SLC35D1: variants seen among roughly 807,000 people sequenced by gnomAD.
SLC35D1 encodes the protein solute carrier family 35 member D1.
Under a neutral mutation model 46.7 loss-of-function variants are expected in SLC35D1, and 31 were observed. That is an observed-to-expected ratio of 0.66 (90% confidence interval 0.50 to 0.90). The LOEUF is 0.90. Ranked by LOEUF, SLC35D1 falls within the 40% of genes least tolerant of loss-of-function variation. SLC35D1 has a pLI of 0.00. For missense variants in SLC35D1, 397 were observed against 426.2 expected, an observed-to-expected ratio of 0.93 and a Z score of 0.60; for synonymous variants, 195 against 164.6, an observed-to-expected ratio of 1.18 and a Z score of -1.41.
At position 67,048,679 on chromosome 1, in the gene SLC35D1, G is replaced by C. The variant is rs1308550940; in HGVS notation, c.533+1103C>G. On this transcript the variant is annotated intron_variant, in intron 6 of 11. Coordinates refer to ENST00000235345, the MANE Select transcript of SLC35D1 (RefSeq NM_015139.3). ...CTGGATGGAAAACATATGTCTGGCAGAATGTGTGGCATTAGTAAATACATA... is the reference window on the plus strand; with the variant it reads ...CTGGATGGAAAACATATGTCTGGCACAATGTGTGGCATTAGTAAATACATA... Among the ~76,000 whole-genome samples the C allele has an allele frequency of 3.9e-5, 6 of 152,334 alleles. No individual in the cohort carries two copies. In the South Asian group the frequency reaches 1.0e-3, roughly 26 times the overall value.
rs756283072 is a variant in SLC35D1 at position 67,049,774 on chromosome 1, C to T, written c.533+8G>A. Reference sequence around the variant, plus strand: ...TTATAATGTGCTAGTCATAGGCCCACATCTTACCTGGCAGCTACAAAGGCT... The same window carrying T: ...TTATAATGTGCTAGTCATAGGCCCATATCTTACCTGGCAGCTACAAAGGCT... On this transcript the variant is annotated splice_region_variant and intron_variant, in intron 6 of 11. Transcript: ENST00000235345. The T allele has an allele frequency of 2.3e-5, 37 of 1,611,788 alleles. No homozygotes were observed. The highest frequency in any genetic ancestry group is 3.1e-5 in the Non-Finnish European group (37 of 1,178,214).
intron 7 of SLC35D1, among the ~76,000 whole-genome samples, chr1:67,046,415 C>T (rs1645251540): frequency 6.6e-6 from 1 of 151,908 alleles, no homozygotes; most frequent in Non-Finnish European, 1.5e-5. Context: ...AGTCATCTGA[C>T]TAAAGAGAAA....
the SLC35D1 span, among the ~76,000 whole-genome samples, chr1:66,977,256 C>T: frequency 1.3e-5 from 2 of 151,814 alleles, no homozygotes; most frequent in Admixed American, 6.6e-5. Flanking sequence ...ATTACAGGTG[C>T]CTGCCATGAC....
chr1:67,032,290 T>C (rs1188865069), intron 8 of SLC35D1, among the ~76,000 whole-genome samples: 1 of 152,206 alleles, frequency 6.6e-6, no homozygotes, highest in Non-Finnish European at 1.5e-5. Context: ...GCTTTTATTT[T>C]TTTTAAATTT....
the SLC35D1 span, among the ~76,000 whole-genome samples, chr1:66,989,013 A>G: frequency 6.6e-6 from 1 of 152,200 alleles, no homozygotes; most frequent in Non-Finnish European, 1.5e-5. Context: ...GTCTAGCTAA[A>G]TATTTTTCTT....
the SLC35D1 span, among the ~76,000 whole-genome samples, chr1:66,974,918 T>G: frequency 6.6e-6 from 1 of 152,226 alleles, no homozygotes; most frequent in Non-Finnish European, 1.5e-5. Context: ...TGACTTTATC[T>G]TTTTGCTTTC....
At position 67,009,637 on chromosome 1, in the gene SLC35D1, T is replaced by C. The variant is rs145844079; in HGVS notation, c.877-470A>G. 6.4e-3 allele frequency among the ~76,000 whole-genome samples: 968 copies of C among 152,216 alleles called. 9 individuals are homozygous for C. The highest frequency in any genetic ancestry group is 0.022 in the African/African-American group (902 of 41,522). ...AAATCAAAACCACAATGTGATACCA[T>C]CTCATACCAGTCAGAATGTCTATTA... On this transcript the variant is annotated intron_variant, in intron 10 of 11. Coordinates refer to ENST00000235345, the MANE Select transcript of SLC35D1 (RefSeq NM_015139.3).
chr1:67,027,551 G>A (rs1017375045), intron 8 of SLC35D1, among the ~76,000 whole-genome samples: 1 of 152,128 alleles, frequency 6.6e-6, no homozygotes, highest in African/African-American at 2.4e-5. Flanking sequence ...TGGAATTACA[G>A]GCATGAGCCA....
At chr1:66,988,683 GA>G in the SLC35D1 span, 1 of 152,308 alleles carries the variant, frequency 6.6e-6, no homozygotes, top group Admixed American at 6.5e-5. Context: ...GAATATTGAA[GA>G]ATTGCCATGT....
chr1:67,002,011 T>C lies in SLC35D1; in HGVS notation c.*2329A>G, dbSNP rs2102220741. ...AGGGAACCTGACCCCCAAGAGGCAG[T>C]TCAACTCCTGGTGGGGCTCTAGCCC... On this transcript the variant is annotated 3_prime_UTR_variant, in exon 12 of 12. Coordinates refer to ENST00000235345, the MANE Select transcript of SLC35D1 (RefSeq NM_015139.3). 6.6e-6 allele frequency: 1 copy of C among 152,090 alleles called. No homozygotes were observed. The highest frequency in any genetic ancestry group is 1.9e-4 in the East Asian group (1 of 5,314). The allele number at this position is 152,090 out of a possible 1,614,324, so 9.4% of individuals were successfully genotyped here.
At position 67,047,269 on chromosome 1, in the gene SLC35D1, G is replaced by A; in HGVS notation, c.632C>T (p.Ser211Leu). ...NGAYVKQKLD[S>L]KELGKYGLLY... The stretch of plus-strand genomic sequence containing the variant: ...AAGCTTTAGATTGCTACTTACTTTT[G>A]AATCTAATTTTTGTTTTACGTATGC... The change falls in exon 7 of 12, where the codon TCA (serine) becomes TTA (leucine). Residue 211 changes from serine (S) to leucine (L), a missense_variant. By Grantham distance (145) the Ser-to-Leu change is moderately radical. Coordinates refer to ENST00000235345, the MANE Select transcript of SLC35D1 (RefSeq NM_015139.3). The A allele has an allele frequency of 6.2e-7, 1 of 1,610,098 alleles. No individual in the cohort carries two copies.
At chr1:66,973,646 A>G in the SLC35D1 span, among the ~76,000 whole-genome samples, 1 of 152,086 alleles carries the variant, frequency 6.6e-6, no homozygotes, top group Non-Finnish European at 1.5e-5. Flanking sequence ...GAAATTAGGT[A>G]TGATTTTTAA....
At chr1:67,010,504 C>T (rs1667541671) in intron 10 of SLC35D1, among the ~76,000 whole-genome samples, 1 of 152,150 alleles carries the variant, frequency 6.6e-6, no homozygotes, top group East Asian at 1.9e-4. Context: ...GTGCAAACAT[C>T]TTCTGGCTCC....
the SLC35D1 span, among the ~76,000 whole-genome samples, chr1:66,975,278 G>A: frequency 6.6e-6 from 1 of 152,168 alleles, no homozygotes; most frequent in Non-Finnish European, 1.5e-5. Context: ...TGTTATCTCA[G>A]TACTTTGGGA....
rs755977211 is a variant in SLC35D1 at position 67,054,049 on chromosome 1, T to C, written c.-36A>G. 1 of 1,601,394 alleles carries C rather than the reference T, an allele frequency of 6.2e-7. No individual in the cohort carries two copies. The highest frequency in any genetic ancestry group is 8.5e-7 in the Non-Finnish European group (1 of 1,173,090). Reference sequence around the variant, plus strand: ...GCAGCGGTGGCCTGGCGGCGGGGCCTAGCGGCTCGGGGGCCTGCAGCGGCA... The same window carrying C: ...GCAGCGGTGGCCTGGCGGCGGGGCCCAGCGGCTCGGGGGCCTGCAGCGGCA... On this transcript the variant is annotated 5_prime_UTR_variant, in exon 1 of 12. Transcript: ENST00000235345.
intron 11 of SLC35D1, among the ~76,000 whole-genome samples, chr1:67,005,627 T>C (rs1049013287): frequency 1.3e-5 from 2 of 152,210 alleles, no homozygotes; most frequent in Non-Finnish European, 2.9e-5. Flanking sequence ...ACATTTCCTG[T>C]TTTTGCAATA....
chr1:67,047,244 A>G, intron 7 of SLC35D1, 21 bp downstream of exon 7: 1 of 1,588,166 alleles, frequency 6.3e-7, no homozygotes, highest in Non-Finnish European at 8.6e-7. Flanking sequence ...ACAACTGTTA[A>G]AGCTTTAGAT....
intron 6 of SLC35D1, among the ~76,000 whole-genome samples, 156 bp downstream of exon 6, chr1:67,049,626 C>G (rs2755257): frequency 1.3e-5 from 2 of 152,140 alleles, no homozygotes; most frequent in South Asian, 2.1e-4. Flanking sequence ...TATCTTAATA[C>G]AGCCAAAAAG....
At chr1:67,050,360 T>C (rs1194363044) in intron 5 of SLC35D1, 73 bp downstream of exon 5, 10 of 1,137,850 alleles carry the variant, frequency 8.8e-6, no homozygotes, top group Non-Finnish European at 1.3e-5. Context: ...AGACAAATAA[T>C]TTAATATCTC....
Sources: gnomAD v4.1 joint callset for allele counts (sites outside exome capture counted in the v4.1 genomes callset) on GRCh38, gnomAD v4.1.1 for gene constraint, MANE v1.5 for transcripts, NCBI Gene and HGNC (gene_info 2026-07-23, HGNC 2026-07-21) for gene names.